Variants in TMEFF2 observed in about 807,000 individuals in gnomAD.
TMEFF2 encodes transmembrane protein with EGF like and two follistatin like domains 2, also known as tomoregulin-2.
Under a neutral mutation model 53.8 loss-of-function variants are expected in TMEFF2, and 28 were observed. The ratio of observed to expected loss-of-function variants is 0.52; its 90% CI spans 0.39 to 0.71. TMEFF2 has a LOEUF of 0.71. Ranked by LOEUF, TMEFF2 falls within the 30% of genes least tolerant of loss-of-function variation. The pLI is 0.00. For synonymous variants in TMEFF2, 162 were observed against 166.3 expected (o/e 0.97, Z 0.20); for missense variants, 353 against 455.2 (o/e 0.78, Z 2.04).
intron 7 of TMEFF2, among the ~76,000 whole-genome samples, chr2:191,979,475 A>G (rs1020483683): frequency 6.6e-6 from 1 of 152,158 alleles, no homozygotes; most frequent in Non-Finnish European, 1.5e-5. Flanking sequence ...GTGCTTTTCT[A>G]TATCTTGAGT....
chr2:192,127,114 A>G (rs1689696225), intron 4 of TMEFF2, among the ~76,000 whole-genome samples: 1 of 152,224 alleles, frequency 6.6e-6, no homozygotes, highest in African/African-American at 2.4e-5. Flanking sequence ...GCTTTCTGAC[A>G]GATGAGAGTC....
chr2:192,181,576 A>T (rs1485890879), intron 3 of TMEFF2, among the ~76,000 whole-genome samples: 1 of 151,740 alleles, frequency 6.6e-6, no homozygotes. Flanking sequence ...TATCTAACCG[A>T]TTGGGCTATT....
intron 5 of TMEFF2, among the ~76,000 whole-genome samples, chr2:192,001,077 A>T (rs1484505219): frequency 6.6e-6 from 1 of 152,194 alleles, no homozygotes; most frequent in African/African-American, 2.4e-5. Context: ...TAATCATTGT[A>T]TTAAATAAAA....
Position 191,953,782 on chromosome 2 carries a change from A to G in TMEFF2, c.925T>C (p.Tyr309His), listed in dbSNP as rs1033671440. 3.1e-6 allele frequency: 5 copies of G among 1,613,778 alleles called. No individual in the cohort carries two copies. The African/African-American group carries it at 6.7e-5, about 22-fold the overall frequency. Residue 309 changes from tyrosine to histidine, a missense_variant, in exon 9 of 10, where the codon TAC (tyrosine) becomes CAC (histidine). By Grantham distance (83) the Tyr-to-His change is moderately conservative. Transcript: ENST00000272771. ...HCEKKDYSVL[Y>H]VVPGPVRFQY... Reference sequence around the variant, plus strand: ...AATCGTACAGGACCGGGAACAACGTATAGAACACTGTAGTCCTTTTTTTCA... The same window carrying G: ...AATCGTACAGGACCGGGAACAACGTGTAGAACACTGTAGTCCTTTTTTTCA...
Position 192,017,231 on chromosome 2 carries a change from G to T in TMEFF2, c.537-18023C>A, listed in dbSNP as rs1437874422. Among the ~76,000 whole-genome samples, 4 of 152,190 alleles carry T rather than the reference G, an allele frequency of 2.6e-5. No homozygotes were observed. The East Asian group carries it at 7.7e-4, about 29-fold the overall frequency. On this transcript the variant is annotated intron_variant, in intron 5 of 9. Transcript: ENST00000272771. Reference sequence around the variant, plus strand: ...AGGCTGGAGAGGCAGGTGGGGCCAGGTCATGCAGCAGGTATATGACCTGCT... The same window carrying T: ...AGGCTGGAGAGGCAGGTGGGGCCAGTTCATGCAGCAGGTATATGACCTGCT...
At chr2:192,063,675 A>G (rs1312830166) in intron 4 of TMEFF2, among the ~76,000 whole-genome samples, 1 of 151,766 alleles carries the variant, frequency 6.6e-6, no homozygotes, top group Non-Finnish European at 1.5e-5. Context: ...TGGTGACAGT[A>G]AATTTGCGTC....
At chr2:192,172,483 T>C (rs552539553) in intron 4 of TMEFF2, among the ~76,000 whole-genome samples, 10 of 152,030 alleles carry the variant, frequency 6.6e-5, no homozygotes, top group African/African-American at 2.4e-4. Flanking sequence ...AGTCTAGAGC[T>C]CTAGAATATG....
intron 4 of TMEFF2, among the ~76,000 whole-genome samples, chr2:192,097,619 TCTC>T (rs1424742557): frequency 2.6e-5 from 4 of 152,206 alleles, no homozygotes; most frequent in African/African-American, 4.8e-5. Context: ...TTCAATTCAT[TCTC>T]CTGTTTATGC....
intron 7 of TMEFF2, among the ~76,000 whole-genome samples, chr2:191,964,336 CTTT>C (rs1277048507): frequency 0.02 from 562 of 27,720 alleles, 8 homozygotes; most frequent in African/African-American, 0.066. Context: ...TTCTTTCCTT[CTTT>C]CTTTCTTTCT....
chr2:192,010,028 A>G (rs1311814367), intron 5 of TMEFF2, among the ~76,000 whole-genome samples: 2 of 152,220 alleles, frequency 1.3e-5, no homozygotes, highest in African/African-American at 4.8e-5. Context: ...AAAAAGAAAT[A>G]TGTGCATGGA....
chr2:192,093,655 T>C (rs1688840834), intron 4 of TMEFF2, among the ~76,000 whole-genome samples: 1 of 152,128 alleles, frequency 6.6e-6, no homozygotes, highest in Admixed American at 6.6e-5. Context: ...ACCAGGAATC[T>C]CCATAGAAAA....
At chr2:192,188,894 C>T (rs62181183) in intron 2 of TMEFF2, among the ~76,000 whole-genome samples, 30,099 of 150,532 alleles carry the variant, frequency 0.2, 3,701 homozygotes, top group Middle Eastern at 0.32. Context: ...TGTCCATCTA[C>T]TGTCTCCAAA....
At chr2:192,187,065 T>C (rs1260323099) in intron 2 of TMEFF2, among the ~76,000 whole-genome samples, 1 of 152,176 alleles carries the variant, frequency 6.6e-6, no homozygotes, top group Admixed American at 6.5e-5. Context: ...CATGATGTTT[T>C]TGGCCCTTAG....
intron 4 of TMEFF2, among the ~76,000 whole-genome samples, chr2:192,127,372 C>T (rs2356771): frequency 0.99 from 151,572 of 152,366 alleles, 75,397 homozygotes; most frequent in Middle Eastern, 1. Flanking sequence ...TCTGAGTGAA[C>T]ACTCAATGGT....
chr2:192,109,860 T>C (rs1472332824), intron 4 of TMEFF2, among the ~76,000 whole-genome samples: 2 of 152,106 alleles, frequency 1.3e-5, no homozygotes, highest in East Asian at 3.9e-4. Context: ...TAATATTGTG[T>C]AAGCAATTAC....
At chr2:192,028,105 G>A (rs915494937) in intron 5 of TMEFF2, among the ~76,000 whole-genome samples, 1 of 149,812 alleles carries the variant, frequency 6.7e-6, no homozygotes, top group Non-Finnish European at 1.5e-5. Flanking sequence ...TAGTGAATGA[G>A]TCTCATGAGA....
At chr2:192,097,643 G>T (rs546990501) in intron 4 of TMEFF2, among the ~76,000 whole-genome samples, 17 of 152,204 alleles carry the variant, frequency 1.1e-4, no homozygotes, top group Middle Eastern at 3.4e-3. Flanking sequence ...GATATAGCAG[G>T]AATAAGACAA....
At chr2:192,066,662 T>G (rs1316694759) in intron 4 of TMEFF2, among the ~76,000 whole-genome samples, 1 of 151,824 alleles carries the variant, frequency 6.6e-6, no homozygotes, top group African/African-American at 2.4e-5. Flanking sequence ...TATTATCATC[T>G]AAGCCTGAGT....
At chr2:192,049,024 A>C (rs573953272) in intron 5 of TMEFF2, among the ~76,000 whole-genome samples, 1 of 152,360 alleles carries the variant, frequency 6.6e-6, no homozygotes, top group South Asian at 2.1e-4. Context: ...AAAGAACTTC[A>C]AGGGCATCAT....
Sources: gnomAD v4.1 joint callset for allele counts (sites outside exome capture counted in the v4.1 genomes callset) on GRCh38, gnomAD v4.1.1 for gene constraint, MANE v1.5 for transcripts, NCBI Gene and HGNC (gene_info 2026-07-23, HGNC 2026-07-21) for gene names.